The following ITPR1 variants were observed in gnomAD, a reference collection of about 807,000 sequenced individuals.
ITPR1 encodes the protein inositol 1,4,5-trisphosphate-gated calcium channel ITPR1.
A neutral mutation model predicts 318.4 loss-of-function variants in ITPR1; 96 were observed. The observed-to-expected ratio is 0.30, with a 90% CI of 0.26 to 0.36. The LOEUF (loss-of-function observed/expected upper bound fraction) is 0.36, where lower values mean the gene tolerates loss of function less well. Among genes scored for constraint, ITPR1 ranks in the 10% least tolerant of loss-of-function variants. The pLI is 1.00. For missense variants in ITPR1, 2,440 were observed against 3,460.2 expected (o/e 0.71, Z 7.40); for synonymous variants, 1,312 against 1,289.9 (o/e 1.02, Z -0.37).
rs1379698073 is a variant in ITPR1, at chr3:4,744,978, CCT to C, written c.5544+9627_5544+9628del. ...CCTCCCTCCTTCCTTCCTTCGTTCC[CCT>C]CTTTCCCTCCTTCTCTCCTTCTCTT... On this transcript the variant is annotated intron_variant, in intron 44 of 61. Coordinates refer to ENST00000649015, the MANE Select transcript of ITPR1 (RefSeq NM_001378452.1). 6.6e-4 allele frequency among the ~76,000 whole-genome samples: 89 copies of C among 135,812 alleles called. 4 individuals carry two copies. Among genetic ancestry groups the C allele is most frequent in the African/African-American group, 3.6e-4 (13 of 36,348 alleles). The allele number at this position is 135,812 out of a possible 152,430, so 89.1% of individuals were successfully genotyped here.
At chr3:4,603,477 T>A (rs1363130335) in intron 4 of ITPR1, among the ~76,000 whole-genome samples, 2 of 152,160 alleles carry the variant, frequency 1.3e-5, no homozygotes, top group East Asian at 3.8e-4. Flanking sequence ...TCACCCAGGC[T>A]GGAGTGCAGT....
At chr3:4,733,958 A>G (rs563910583) in intron 43 of ITPR1, among the ~76,000 whole-genome samples, 1 of 152,368 alleles carries the variant, frequency 6.6e-6, no homozygotes, top group South Asian at 2.1e-4. Context: ...GAGTTGCCTG[A>G]TTTCCTGTCT....
At chr3:4,630,687 G>A (rs1171092279) in intron 5 of ITPR1, among the ~76,000 whole-genome samples, 2 of 151,790 alleles carry the variant, frequency 1.3e-5, no homozygotes, top group African/African-American at 2.4e-5. Flanking sequence ...CCGGGCTCAA[G>A]CGATTTTTCT....
At chr3:4,640,597 G>A (rs1001832475) in intron 6 of ITPR1, among the ~76,000 whole-genome samples, 1 of 152,202 alleles carries the variant, frequency 6.6e-6, no homozygotes, top group Non-Finnish European at 1.5e-5. Context: ...GAAGATGAAA[G>A]GTGCAGAGGC....
At chr3:4,785,885 A>G (rs1406534238) in intron 51 of ITPR1, among the ~76,000 whole-genome samples, 1 of 152,250 alleles carries the variant, frequency 6.6e-6, no homozygotes, top group East Asian at 1.9e-4. Context: ...GTGACCAGGC[A>G]TGACCTAGCT....
At chr3:4,558,953 C>T (rs1234457139) in intron 4 of ITPR1, among the ~76,000 whole-genome samples, 2 of 152,040 alleles carry the variant, frequency 1.3e-5, no homozygotes, top group Non-Finnish European at 2.9e-5. Flanking sequence ...ATTATCATAC[C>T]TAACAAAACT....
intron 4 of ITPR1, among the ~76,000 whole-genome samples, chr3:4,623,540 C>T (rs1290896117): frequency 6.6e-6 from 1 of 152,110 alleles, no homozygotes; most frequent in African/African-American, 2.4e-5. Context: ...CATGTGTTCT[C>T]CTTCCCCCAA....
At chr3:4,716,932 C>T (rs2041809791) in intron 39 of ITPR1, among the ~76,000 whole-genome samples, 2 of 152,316 alleles carry the variant, frequency 1.3e-5, no homozygotes, top group South Asian at 4.1e-4. Flanking sequence ...TGACCCCCGA[C>T]TGAGTCATAA....
At chr3:4,727,099 A>G in intron 41 of ITPR1, 27 bp from the exon 42 acceptor site, 1 of 1,591,298 alleles carries the variant, frequency 6.3e-7, no homozygotes, top group Non-Finnish European at 8.5e-7. Flanking sequence ...GTGTTGTATT[A>G]AAATGGAATT....
chr3:4,845,020 T>C (rs906424656), intron 61 of ITPR1, among the ~76,000 whole-genome samples: 9 of 152,242 alleles, frequency 5.9e-5, no homozygotes, highest in African/African-American at 1.9e-4. Flanking sequence ...ATGTGACAGA[T>C]GCTATGCTAA....
At chr3:4,832,492 A>G (rs2050587879) in intron 60 of ITPR1, among the ~76,000 whole-genome samples, 1 of 152,266 alleles carries the variant, frequency 6.6e-6, no homozygotes, top group Admixed American at 6.5e-5. Flanking sequence ...TTAGCCAGGC[A>G]TTGTGGTGCA....
chr3:4,685,119 A>G lies in ITPR1; in HGVS notation c.3615A>G (p.Arg1205=). 6.2e-7 allele frequency: 1 copy of G among 1,611,178 alleles called. No homozygotes were observed. Among genetic ancestry groups the G allele is most frequent in the Non-Finnish European group, 8.5e-7 (1 of 1,178,944 alleles). The part of the protein sequence containing the change: ...KLCVQESASV[R]KSRKQQQRLL... The stretch of plus-strand genomic sequence containing the variant: ...GTGTTCAAGAGAGTGCCTCAGTGAG[A>G]AAGAGCAGGAAGCAGCAACAGCGTC... Residue 1205 remains arginine, a synonymous_variant, in exon 30 of 62, where the codon AGA becomes AGG. Coordinates refer to ENST00000649015, the MANE Select transcript of ITPR1 (RefSeq NM_001378452.1).
intron 4 of ITPR1, among the ~76,000 whole-genome samples, chr3:4,526,923 C>A (rs1647379018): frequency 6.6e-6 from 1 of 152,222 alleles, no homozygotes; most frequent in African/African-American, 2.4e-5. Context: ...TTCACTGCAA[C>A]TATTTATATA....
intron 52 of ITPR1, among the ~76,000 whole-genome samples, chr3:4,791,100 C>A (rs1350990845): frequency 1.3e-5 from 2 of 152,194 alleles, no homozygotes; most frequent in Non-Finnish European, 2.9e-5. Flanking sequence ...AAGTCCCGTT[C>A]CTCTCAAACA....
chr3:4,663,844 G>A (rs1490130914), intron 16 of ITPR1, among the ~76,000 whole-genome samples: 5 of 151,854 alleles, frequency 3.3e-5, no homozygotes, highest in Non-Finnish European at 5.9e-5. Context: ...AGCCATGAAC[G>A]TTCTTACTGC....
chr3:4,553,465 G>A (rs1463019660), intron 4 of ITPR1, among the ~76,000 whole-genome samples: 1 of 152,080 alleles, frequency 6.6e-6, no homozygotes, highest in Non-Finnish European at 1.5e-5. Flanking sequence ...GGGTCTTGCT[G>A]TGTCACCCAG....
intron 4 of ITPR1, among the ~76,000 whole-genome samples, chr3:4,541,965 G>A (rs960979179): frequency 4.6e-5 from 7 of 151,980 alleles, no homozygotes; most frequent in Non-Finnish European, 1.0e-4. Flanking sequence ...TTTCATCTTT[G>A]CTCCATAGGC....
chr3:4,652,282 C>G, intron 11 of ITPR1, 64 bp downstream of exon 11: 1 of 1,128,972 alleles, frequency 8.9e-7, no homozygotes, highest in Non-Finnish European at 1.3e-6. Context: ...TTTCCTCATT[C>G]GCCTGTAGCC....
Position 4,826,536 on chromosome 3 carries a change from C to T in ITPR1, c.8028+8294C>T, listed in dbSNP as rs541940888. 6.6e-4 allele frequency among the ~76,000 whole-genome samples: 100 copies of T among 152,310 alleles called. No homozygotes were observed. The highest frequency in any genetic ancestry group is 1.6e-3 in the African/African-American group (68 of 41,574). On this transcript the variant is annotated intron_variant, in intron 60 of 61. Coordinates refer to ENST00000649015, the MANE Select transcript of ITPR1 (RefSeq NM_001378452.1). The surrounding 1 kb of genome is among the most constrained non-coding windows in gnomAD (Gnocchi z 4.2). ...AACAGTGTGTCAGCGTCACTGGACT[C>T]GCCGCCCAGCCAGCCAGCCAGGCCT...
Sources: gnomAD v4.1 joint callset for allele counts (sites outside exome capture counted in the v4.1 genomes callset) on GRCh38, gnomAD v4.1.1 for gene constraint, Gnocchi (gnomAD v3.1) non-coding constraint, MANE v1.5 for transcripts, NCBI Gene and HGNC (gene_info 2026-07-23, HGNC 2026-07-21) for gene names.